Variants in VOPP1 observed in about 807,000 individuals in gnomAD.
VOPP1 encodes VOPP1 WW domain binding protein.
VOPP1 carries 8 observed loss-of-function variants against 23.5 expected under a neutral mutation model. The observed-to-expected ratio is 0.34, with a 90% CI of 0.20 to 0.61. VOPP1 has a LOEUF of 0.61. Ranked by LOEUF, VOPP1 falls within the 20% of genes least tolerant of loss-of-function variation. The pLI is 0.78. For missense variants in VOPP1, 174 were observed against 238.1 expected, an observed-to-expected ratio of 0.73 and a Z score of 1.77; for synonymous variants, 83 against 97.3, an observed-to-expected ratio of 0.85 and a Z score of 0.86.
At chr7:55,555,251 G>C (rs1797762272) in intron 1 of VOPP1, among the ~76,000 whole-genome samples, 1 of 152,166 alleles carries the variant, frequency 6.6e-6, no homozygotes, top group Non-Finnish European at 1.5e-5. Flanking sequence ...ACAGGAGAGG[G>C]AGGGTGCTCT....
At chr7:55,457,335 A>T (rs1459632875) in intron 4 of VOPP1, among the ~76,000 whole-genome samples, 1 of 152,152 alleles carries the variant, frequency 6.6e-6, no homozygotes. Context: ...CCATTGTGTA[A>T]GTATGTCTCA....
intron 1 of VOPP1, among the ~76,000 whole-genome samples, chr7:55,555,962 T>C (rs753097481): frequency 1.3e-5 from 2 of 152,190 alleles, no homozygotes; most frequent in Non-Finnish European, 2.9e-5. Context: ...TTCTTTTCCA[T>C]GTGTTCTAAG....
chr7:55,437,539 T>G (rs998906238), intron 4 of VOPP1, among the ~76,000 whole-genome samples: 3 of 152,230 alleles, frequency 2.0e-5, no homozygotes, highest in African/African-American at 7.2e-5. Context: ...ATGATTGTTT[T>G]GCAAGTTGTA....
In VOPP1 at chr7:55,492,415, G is replaced by A; in HGVS notation, c.195C>T (p.Phe65=). ...AGAAAAGCACGCCCATCATCAGAAG[G>A]AACCTGAGGAGAGTACAGACGTGAG... ...LSIQRLWYFW[F]LLMMGVLFCC... is the part of the protein sequence containing the mutation. The change falls in exon 4 of 5, where the codon TTC becomes TTT. Residue 65 remains phenylalanine (F), a synonymous_variant. Transcript: ENST00000285279. The A allele has an allele frequency of 6.2e-7, 1 of 1,610,562 alleles. No homozygotes were observed.
chr7:55,494,548 G>A (rs146775736), intron 3 of VOPP1, among the ~76,000 whole-genome samples: 16 of 152,264 alleles, frequency 1.1e-4, no homozygotes, highest in East Asian at 3.9e-4. Context: ...AGCATAAGGC[G>A]AGGCTGGAAT....
At chr7:55,516,547 A>G (rs79399081) in intron 2 of VOPP1, among the ~76,000 whole-genome samples, 1,673 of 152,330 alleles carry the variant, frequency 0.011, 11 homozygotes, top group Middle Eastern at 0.02. Flanking sequence ...TGGCACGCTG[A>G]AATGAAATGC....
chr7:55,462,481 C>A (rs1433360355), intron 4 of VOPP1, among the ~76,000 whole-genome samples: 2 of 152,046 alleles, frequency 1.3e-5, no homozygotes, highest in Non-Finnish European at 2.9e-5. Flanking sequence ...TTCTATAACA[C>A]CCAATATTCA....
downstream of VOPP1, among the ~76,000 whole-genome samples, chr7:55,468,418 G>A (rs1791690206): frequency 6.6e-6 from 1 of 152,246 alleles, no homozygotes; most frequent in Non-Finnish European, 1.5e-5. Context: ...GCTGCCCCAA[G>A]AGGAGGTAGG....
At chr7:55,436,567 G>GC (rs1790826904) in intron 4 of VOPP1, among the ~76,000 whole-genome samples, 1 of 151,750 alleles carries the variant, frequency 6.6e-6, no homozygotes, top group Admixed American at 6.5e-5. Context: ...TCAGTCCTCT[G>GC]CTTGGCAGCC....
At chr7:55,440,459 G>A (rs909553708) in intron 4 of VOPP1, among the ~76,000 whole-genome samples, 23 of 152,214 alleles carry the variant, frequency 1.5e-4, no homozygotes. Context: ...TATCTGGCCT[G>A]CCTTTGAGTC....
At chr7:55,463,264 C>A (rs891440028) in intron 4 of VOPP1, among the ~76,000 whole-genome samples, 1 of 152,124 alleles carries the variant, frequency 6.6e-6, no homozygotes, top group Non-Finnish European at 1.5e-5. Flanking sequence ...CTTTTTTGGG[C>A]ATTTCATGTA....
chr7:55,490,155 A>G (rs1793462005), intron 4 of VOPP1, among the ~76,000 whole-genome samples: 1 of 152,120 alleles, frequency 6.6e-6, no homozygotes, highest in African/African-American at 2.4e-5. Flanking sequence ...ACCCTGCCGC[A>G]GAAAAATAGC....
intron 1 of VOPP1, among the ~76,000 whole-genome samples, chr7:55,559,306 G>A (rs1474538653): frequency 1.3e-5 from 2 of 152,204 alleles, no homozygotes; most frequent in African/African-American, 4.8e-5. Context: ...CACTCAGAAA[G>A]GGACCAGAGA....
chr7:55,470,103 A>C (rs993542886), downstream of VOPP1, among the ~76,000 whole-genome samples: 2 of 152,236 alleles, frequency 1.3e-5, no homozygotes, highest in Non-Finnish European at 2.9e-5. Context: ...TATGTCAATT[A>C]GTGATACATC....
downstream of VOPP1, among the ~76,000 whole-genome samples, chr7:55,435,303 G>A (rs1456808626): frequency 6.6e-6 from 1 of 152,200 alleles, no homozygotes; most frequent in African/African-American, 2.4e-5. Flanking sequence ...TTTCAGGCTG[G>A]GGGGTAAAGA....
intron 4 of VOPP1, among the ~76,000 whole-genome samples, chr7:55,454,338 A>C (rs1346249498): frequency 6.6e-6 from 1 of 152,240 alleles, no homozygotes; most frequent in Non-Finnish European, 1.5e-5. Context: ...GTCCAGGACC[A>C]GAGAGATTCA....
intron 1 of VOPP1, among the ~76,000 whole-genome samples, chr7:55,546,761 C>A (rs1198426265): frequency 6.6e-6 from 1 of 152,232 alleles, no homozygotes; most frequent in Non-Finnish European, 1.5e-5. Context: ...TGAATTAAGG[C>A]TCCAGCTTTG....
chr7:55,461,371 C>G (rs1426839799), intron 4 of VOPP1, among the ~76,000 whole-genome samples: 2 of 152,044 alleles, frequency 1.3e-5, no homozygotes, highest in East Asian at 3.8e-4. Context: ...ACCTGTTCAC[C>G]AATAACCTAC....
intron 1 of VOPP1, among the ~76,000 whole-genome samples, chr7:55,540,466 G>A (rs1192941843): frequency 7.2e-5 from 11 of 151,768 alleles, no homozygotes; most frequent in Admixed American, 7.2e-4. Context: ...CTCCCATTCC[G>A]TCCTTGTGTT....
Sources: gnomAD v4.1 joint callset for allele counts (sites outside exome capture counted in the v4.1 genomes callset) on GRCh38, gnomAD v4.1.1 for gene constraint, MANE v1.5 for transcripts, NCBI Gene and HGNC (gene_info 2026-07-23, HGNC 2026-07-21) for gene names.